Variants in PGAM1 observed in about 807,000 individuals in gnomAD.
PGAM1 encodes phosphoglycerate mutase 1.
Under a neutral mutation model 23.5 loss-of-function variants are expected in PGAM1, and 21 were observed. The observed-to-expected ratio is 0.89, with a 90% confidence interval of 0.63 to 1.29. PGAM1 has a LOEUF of 1.29. Ranked by LOEUF, PGAM1 falls within the 50% of genes most tolerant of loss-of-function variation. PGAM1 has a pLI of 0.00. For synonymous variants in PGAM1, 109 were observed against 128.6 expected (o/e 0.85, Z 1.03); for missense variants, 232 against 336.3 (o/e 0.69, Z 2.42).
rs1157858128 is a variant in PGAM1 at position 97,430,422 on chromosome 10, G to A, written c.183G>A (p.Lys61=). ...ACATCTGCTTCACCTCAGTGCAGAA[G>A]AGAGCGATCCGGACCCTCTGGACAG... is the stretch of plus-strand genomic sequence containing the variant. ...EFDICFTSVQ[K]RAIRTLWTVL... Residue 61 remains lysine (K), a synonymous_variant, in exon 2 of 4, where the codon AAG becomes AAA. Coordinates refer to ENST00000334828, the MANE Select transcript of PGAM1 (RefSeq NM_002629.4). The A allele has an allele frequency of 6.2e-6, 10 of 1,611,182 alleles. No homozygotes were observed. The highest frequency in any genetic ancestry group is 5.9e-6 in the Non-Finnish European group (7 of 1,179,804).
At position 97,431,084 on chromosome 10, in the gene PGAM1, C is replaced by T; in HGVS notation, c.544C>T (p.Leu182=). The change falls in exon 3 of 4, where the codon CTG becomes TTG. Residue 182 remains leucine, a synonymous_variant. Coordinates refer to ENST00000334828, the MANE Select transcript of PGAM1 (RefSeq NM_002629.4). ...VPQIKEGKRV[L]IAAHGNSLRG... is the part of the protein sequence containing the mutation. The stretch of plus-strand genomic sequence containing the variant: ...CCAGATCAAGGAGGGGAAACGTGTA[C>T]TGATTGCAGCCCATGGCAACAGCCT... 6.2e-7 allele frequency: 1 copy of T among 1,614,164 alleles called. No homozygotes were observed. The highest frequency in any genetic ancestry group is 8.5e-7 in the Non-Finnish European group (1 of 1,180,030).
chr10:97,428,247 G>T (rs879852803), intron 1 of PGAM1, among the ~76,000 whole-genome samples: 4 of 152,168 alleles, frequency 2.6e-5, no homozygotes, highest in Non-Finnish European at 5.9e-5. Context: ...AAAATTAAAA[G>T]ATTTAACGGT....
chr10:97,428,378 T>C (rs1216238868), intron 1 of PGAM1, among the ~76,000 whole-genome samples: 1 of 152,168 alleles, frequency 6.6e-6, no homozygotes, highest in Non-Finnish European at 1.5e-5. Flanking sequence ...CATGCATCCT[T>C]ACTGCTAAGA....
In PGAM1 at chr10:97,431,222, A is replaced by G; in HGVS notation, c.595+87A>G. ...GGACTTGGTAAAAAGGAGTCTAGGG[A>G]AGGGCTGGACATGTTAACAGCTTTA... On this transcript the variant is annotated intron_variant, in intron 3 of 3. Transcript: ENST00000334828. The G allele has an allele frequency of 2.0e-6, 3 of 1,490,508 alleles. No individual in the cohort carries two copies. The South Asian group carries it at 3.4e-5, about 17-fold the overall frequency. The allele number at this position is 1,490,508 out of a possible 1,614,324, so 92.3% of individuals were successfully genotyped here. A position where few individuals can be genotyped will look rare whatever the true frequency, so the allele number is the denominator to read the frequency against.
intron 3 of PGAM1, among the ~76,000 whole-genome samples, chr10:97,431,655 C>T (rs1425074379): frequency 6.6e-6 from 1 of 152,126 alleles, no homozygotes; most frequent in African/African-American, 2.4e-5. Flanking sequence ...CATGCCTGTA[C>T]TATCAGCACC....
Position 97,432,538 on chromosome 10 carries a change from G to A in PGAM1, c.*14G>A, listed in dbSNP as rs1168226420. ...GCCAAGAAGTGAAGGCCGGCGGGGA[G>A]GATACTGTCCCCAGGAGCACCCTCC... On this transcript the variant is annotated 3_prime_UTR_variant, in exon 4 of 4. Coordinates refer to ENST00000334828, the MANE Select transcript of PGAM1 (RefSeq NM_002629.4). The A allele has an allele frequency of 6.5e-7, 1 of 1,546,022 alleles. No homozygotes were observed. The highest frequency in any genetic ancestry group is 1.1e-5 in the South Asian group (1 of 89,170).
intron 1 of PGAM1, chr10:97,428,022 G>A (rs1168390221): frequency 6.9e-6 from 7 of 1,009,884 alleles, no homozygotes; most frequent in Non-Finnish European, 9.5e-6. Context: ...GCTGGGAAAT[G>A]GAAAGTGCTG....
chr10:97,431,988 A>G (rs1845475687), intron 3 of PGAM1, among the ~76,000 whole-genome samples: 1 of 152,092 alleles, frequency 6.6e-6, no homozygotes, highest in Non-Finnish European at 1.5e-5. Context: ...TTGCATCTTC[A>G]TCCCCGAGGG....
At position 97,432,545 on chromosome 10, in the gene PGAM1, G is replaced by A. The variant is rs1386617274; in HGVS notation, c.*21G>A. ...AGTGAAGGCCGGCGGGGAGGATACT[G>A]TCCCCAGGAGCACCCTCCCTGCCCG... On this transcript the variant is annotated 3_prime_UTR_variant, in exon 4 of 4. Transcript: ENST00000334828. 1.4e-6 allele frequency: 2 copies of A among 1,469,534 alleles called. No individual in the cohort carries two copies. The highest frequency in any genetic ancestry group is 1.9e-6 in the Non-Finnish European group (2 of 1,056,464). The allele number at this position is 1,469,534 out of a possible 1,614,324, so 91.0% of individuals were successfully genotyped here. A position where few individuals can be genotyped will look rare whatever the true frequency, so the allele number is the denominator to read the frequency against.
intron 1 of PGAM1, chr10:97,427,598 C>T: frequency 8.5e-7 from 1 of 1,174,892 alleles, no homozygotes; most frequent in Non-Finnish European, 1.1e-6. Flanking sequence ...AGGCTTTTGG[C>T]TAAGGACGCT....
chr10:97,427,916 G>C, intron 1 of PGAM1: 2 of 1,288,032 alleles, frequency 1.6e-6, no homozygotes, highest in Non-Finnish European at 2.0e-6. Flanking sequence ...GAAGCAAAAC[G>C]CAGGACAGTC....
chr10:97,431,154 AG>A lies in PGAM1; in HGVS notation c.595+21del, dbSNP rs769895962. 9 of 1,613,990 alleles carry A rather than the reference AG, an allele frequency of 5.6e-6. No individual in the cohort carries two copies. The highest frequency in any genetic ancestry group is 3.3e-5 in the South Asian group (3 of 91,082). On this transcript the variant is annotated intron_variant, in intron 3 of 3. Coordinates refer to ENST00000334828, the MANE Select transcript of PGAM1 (RefSeq NM_002629.4). ...CTGGAGGGTATGTATGTTTTTTCAG[AG>A]GCGCCCTCAAGGAAGGATAAAGCAG...
chr10:97,430,043 C>CAAAAAAA (rs71814636), intron 1 of PGAM1, among the ~76,000 whole-genome samples: 1 of 69,774 alleles, frequency 1.4e-5, no homozygotes. Flanking sequence ...GACTCCGTCT[C>CAAAAAAA]AAAAAAAAAA....
At position 97,426,227 on chromosome 10, in the gene PGAM1, C is replaced by A. The variant is rs1845406189; in HGVS notation, c.-81C>A. 2 of 1,598,346 alleles carry A rather than the reference C, an allele frequency of 1.3e-6. No individual in the cohort carries two copies. The highest frequency in any genetic ancestry group is 1.7e-6 in the Non-Finnish European group (2 of 1,170,380). ...CGGGAGCCGGACTGAGCGGTGCGAG[C>A]GCGCAGGCGCGGCCGACGGGGCGGG... On this transcript the variant is annotated 5_prime_UTR_variant, in exon 1 of 4. Transcript: ENST00000334828.
At chr10:97,430,019 C>T (rs1845450765) in intron 1 of PGAM1, among the ~76,000 whole-genome samples, 3 of 143,948 alleles carry the variant, frequency 2.1e-5, no homozygotes, top group Non-Finnish European at 4.5e-5. Flanking sequence ...GCACTCCAGC[C>T]TGGGTGACAG....
chr10:97,430,043 C>CAAAAAAAAAAA (rs71814636), intron 1 of PGAM1, among the ~76,000 whole-genome samples: 3 of 69,806 alleles, frequency 4.3e-5, no homozygotes, highest in Admixed American at 1.5e-4. Flanking sequence ...GACTCCGTCT[C>CAAAAAAAAAAA]AAAAAAAAAA....
At chr10:97,430,702 T>C (rs1160436812) in intron 2 of PGAM1, 49 bp downstream of exon 2, 18 of 1,600,800 alleles carry the variant, frequency 1.1e-5, no homozygotes, top group Non-Finnish European at 1.5e-5. Context: ...CAGGGGCTTT[T>C]AGTAGTGTCT....
chr10:97,426,744 C>T (rs1334117022), intron 1 of PGAM1, among the ~76,000 whole-genome samples: 3 of 152,188 alleles, frequency 2.0e-5, no homozygotes, highest in Non-Finnish European at 4.4e-5. Flanking sequence ...TTTAATATGT[C>T]GGGGACAGGC....
chr10:97,429,947 T>C (rs984215730), intron 1 of PGAM1, among the ~76,000 whole-genome samples: 4 of 148,110 alleles, frequency 2.7e-5, no homozygotes, highest in African/African-American at 5.0e-5. Flanking sequence ...CTTGGGAGGC[T>C]GAGGAGAAGA....
Sources: gnomAD v4.1 joint callset for allele counts (sites outside exome capture counted in the v4.1 genomes callset) on GRCh38, gnomAD v4.1.1 for gene constraint, MANE v1.5 for transcripts, NCBI Gene and HGNC (gene_info 2026-07-23, HGNC 2026-07-21) for gene names.